The following THTPA variants were observed in gnomAD, a reference collection of about 807,000 sequenced individuals.
The protein encoded by THTPA is thiamine triphosphatase, also known as thiamine-triphosphatase.
Under a neutral mutation model 16.5 loss-of-function variants are expected in THTPA, and 16 were observed. That is an observed-to-expected ratio of 0.97 (90% CI 0.66 to 1.47). The LOEUF (loss-of-function observed/expected upper bound fraction) is 1.47, where lower values mean the gene tolerates loss of function less well. THTPA is among the 40% of genes most tolerant of loss of function. The pLI is 0.00. For missense variants in THTPA, 281 were observed against 280.9 expected (o/e 1.00, Z 0.00); for synonymous variants, 110 against 115.5 (o/e 0.95, Z 0.30).
At chr14:23,554,377 T>C (rs991726910), upstream of THTPA, among the ~76,000 whole-genome samples, 1 of 151,974 alleles carries the variant, frequency 6.6e-6, no homozygotes, top group African/African-American at 2.4e-5. Flanking sequence ...CAAGATGCCA[T>C]TTGTTTATTT....
chr14:23,518,407 T>C, the THTPA span, among the ~76,000 whole-genome samples: 1 of 152,210 alleles, frequency 6.6e-6, no homozygotes, highest in African/African-American at 2.4e-5. The surrounding 1 kb of genome is among the most constrained non-coding windows in gnomAD (Gnocchi z 4.5). Context: ...GTAAGTATAC[T>C]CCAGGGCTGG....
the THTPA span, chr14:23,526,952 A>T: frequency 6.6e-7 from 1 of 1,525,054 alleles, no homozygotes; most frequent in African/African-American, 1.4e-5. Flanking sequence ...TTGGTTGTAA[A>T]TGTCATTTCT....
the THTPA span, chr14:23,522,298 G>A: frequency 3.2e-5 from 48 of 1,511,202 alleles, no homozygotes; most frequent in African/African-American, 1.2e-4. Context: ...GGGCCTCCCC[G>A]TCAAATGCCA....
the THTPA span, chr14:23,534,008 G>A: frequency 1.3e-6 from 2 of 1,537,132 alleles, no homozygotes; most frequent in Non-Finnish European, 1.7e-6. The surrounding 1 kb of genome is among the most constrained non-coding windows in gnomAD (Gnocchi z 4.5). Context: ...AGGGACATGT[G>A]GCTGGACAGG....
At chr14:23,512,932 G>A in the THTPA span, 1 of 151,874 alleles carries the variant, frequency 6.6e-6, no homozygotes, top group Admixed American at 6.6e-5. Context: ...GGTGGAATGA[G>A]GACCCTGTTT....
chr14:23,516,058 G>T, the THTPA span, among the ~76,000 whole-genome samples: 2 of 152,048 alleles, frequency 1.3e-5, no homozygotes, highest in African/African-American at 4.8e-5. Flanking sequence ...TTGGTCCCTG[G>T]GTGCTGAAGA....
At position 23,559,049 on chromosome 14, in the gene THTPA, G is replaced by A. The variant is rs1233253492; in HGVS notation, c.*209G>A. ...ATCCGTCAGATGCAATCTGTGGGCC[G>A]CCCCTCTCCCCTGGCCGCTAAGCAG... On this transcript the variant is annotated 3_prime_UTR_variant, in exon 2 of 2. Transcript: ENST00000288014. The A allele has an allele frequency of 2.0e-5, 12 of 601,128 alleles. No individual in the cohort carries two copies. The highest frequency in any genetic ancestry group is 3.0e-5 in the East Asian group (1 of 33,736). 37.2% of individuals were successfully genotyped at this position (601,128 alleles called of 1,614,324 possible).
At chr14:23,551,854 G>T (rs924901834), upstream of THTPA, among the ~76,000 whole-genome samples, 1 of 152,040 alleles carries the variant, frequency 6.6e-6, no homozygotes, top group African/African-American at 2.4e-5. This position sits in a 1 kb window ranked among gnomAD's most constrained non-coding sequence, Gnocchi z 5.3. Context: ...TAGTCTGTTC[G>T]CGCCCGCCCG....
chr14:23,512,259 T>C, the THTPA span, among the ~76,000 whole-genome samples: 1 of 152,112 alleles, frequency 6.6e-6, no homozygotes, highest in East Asian at 1.9e-4. Flanking sequence ...CGCAGATGGC[T>C]GTGCGGTGGC....
At chr14:23,523,344 C>T in the THTPA span, 1 of 1,465,830 alleles carries the variant, frequency 6.8e-7, no homozygotes, top group African/African-American at 1.4e-5. The surrounding 1 kb of genome is among the most constrained non-coding windows in gnomAD (Gnocchi z 4.1). Context: ...GCCTTGAGAG[C>T]TGGGGGAGCC....
At chr14:23,529,974 G>A in the THTPA span, 3 of 996,444 alleles carry the variant, frequency 3.0e-6, no homozygotes, top group African/African-American at 3.3e-5. Flanking sequence ...GCCTCTCGTG[G>A]CTCAGCCTCC....
the THTPA span, among the ~76,000 whole-genome samples, chr14:23,512,604 C>T: frequency 2.0e-5 from 3 of 150,996 alleles, no homozygotes; most frequent in African/African-American, 4.9e-5. Flanking sequence ...AACGGGGTCC[C>T]CTCCCTCTGC....
the THTPA span, chr14:23,534,911 G>C: frequency 6.5e-7 from 1 of 1,536,120 alleles, no homozygotes; most frequent in African/African-American, 1.4e-5. This position sits in a 1 kb window ranked among gnomAD's most constrained non-coding sequence, Gnocchi z 4.5. Flanking sequence ...AAGCCCTTTG[G>C]TAACAGGAGT....
the THTPA span, among the ~76,000 whole-genome samples, chr14:23,540,787 G>T: frequency 4.6e-5 from 7 of 152,342 alleles, no homozygotes; most frequent in Non-Finnish European, 7.3e-5. Context: ...AAGTGCATTT[G>T]CTGGGTGTTC....
At chr14:23,532,973 A>G in the THTPA span, 2 of 1,536,154 alleles carry the variant, frequency 1.3e-6, no homozygotes, top group South Asian at 1.2e-5. Flanking sequence ...GCAGCGGAAC[A>G]CCTTCAGGGA....
the THTPA span, chr14:23,527,905 T>C: frequency 1.4e-6 from 1 of 715,792 alleles, no homozygotes; most frequent in Non-Finnish European, 2.0e-6. Context: ...CCACTCCTTT[T>C]TTTTTTTTTT....
chr14:23,520,387 G>A, the THTPA span, among the ~76,000 whole-genome samples: 6 of 117,596 alleles, frequency 5.1e-5, no homozygotes, highest in Non-Finnish European at 4.3e-5. The surrounding 1 kb of genome is among the most constrained non-coding windows in gnomAD (Gnocchi z 8.7). Flanking sequence ...CAGCAAAGGT[G>A]GGCCTCCAGG....
chr14:23,523,929 T>A, the THTPA span: 1 of 1,536,060 alleles, frequency 6.5e-7, no homozygotes, highest in Non-Finnish European at 8.7e-7. This position sits in a 1 kb window ranked among gnomAD's most constrained non-coding sequence, Gnocchi z 4.1. Flanking sequence ...TCTTCCTCAC[T>A]GGGTGGAGGG....
chr14:23,523,927 A>C, the THTPA span: 1 of 1,536,020 alleles, frequency 6.5e-7, no homozygotes, highest in Non-Finnish European at 8.7e-7. The surrounding 1 kb of genome is among the most constrained non-coding windows in gnomAD (Gnocchi z 4.1). Flanking sequence ...CCTCTTCCTC[A>C]CTGGGTGGAG....
Sources: gnomAD v4.1 joint callset for allele counts (sites outside exome capture counted in the v4.1 genomes callset) on GRCh38, gnomAD v4.1.1 for gene constraint, Gnocchi (gnomAD v3.1) non-coding constraint, MANE v1.5 for transcripts, NCBI Gene and HGNC (gene_info 2026-07-23, HGNC 2026-07-21) for gene names.